The following MAPK8IP3 variants were observed in gnomAD, a reference collection of about 807,000 sequenced individuals.
MAPK8IP3 encodes the protein C-Jun-amino-terminal kinase-interacting protein 3.
In MAPK8IP3, 49 loss-of-function variants were observed where a neutral mutation model predicts 157.8. The observed-to-expected ratio is 0.31, with a 90% CI of 0.25 to 0.39. MAPK8IP3 has a LOEUF of 0.39. Among genes scored for constraint, MAPK8IP3 ranks in the 10% least tolerant of loss-of-function variants. The pLI, the probability that MAPK8IP3 is intolerant of heterozygous loss-of-function variation, is 1.00. For missense variants in MAPK8IP3, 1,478 were observed against 1,889.4 expected (o/e 0.78, Z 4.04); for synonymous variants, 897 against 777.7 (o/e 1.15, Z -2.55).
At chr16:1,720,391 T>C (rs998860371) in intron 1 of MAPK8IP3, among the ~76,000 whole-genome samples, 5 of 152,040 alleles carry the variant, frequency 3.3e-5, no homozygotes, top group Non-Finnish European at 7.4e-5. Flanking sequence ...AAAGAGATAA[T>C]GGATTGAGCA....
intron 2 of MAPK8IP3, among the ~76,000 whole-genome samples, chr16:1,725,256 G>A (rs1393596525): frequency 1.3e-5 from 2 of 151,398 alleles, no homozygotes; most frequent in Non-Finnish European, 2.9e-5. Flanking sequence ...TAGGCCAGGC[G>A]TGATGGCATG....
intron 25 of MAPK8IP3, 72 bp downstream of exon 25, chr16:1,767,043 G>T (rs903889468): frequency 6.4e-7 from 1 of 1,570,026 alleles, no homozygotes; most frequent in Non-Finnish European, 8.7e-7. Context: ...AGGGGCTCCC[G>T]GGGTTCCAGG....
chr16:1,740,069 AGC>A (rs2040556780), intron 4 of MAPK8IP3, among the ~76,000 whole-genome samples: 1 of 70,142 alleles, frequency 1.4e-5, no homozygotes. Context: ...TGTCCGTGTG[AGC>A]GTGAGCATCC....
intron 1 of MAPK8IP3, among the ~76,000 whole-genome samples, chr16:1,720,461 C>A (rs1490297628): frequency 1.3e-5 from 2 of 152,152 alleles, no homozygotes; most frequent in Non-Finnish European, 2.9e-5. Context: ...TGGAAGTGGT[C>A]GAGTACGCCT....
chr16:1,726,770 A>G (rs1360752738), intron 2 of MAPK8IP3, among the ~76,000 whole-genome samples: 2 of 152,200 alleles, frequency 1.3e-5, no homozygotes, highest in East Asian at 3.8e-4. Context: ...GGCTCCCTCC[A>G]GGTGGTGGCT....
At position 1,743,727 on chromosome 16, in the gene MAPK8IP3, C is replaced by T; in HGVS notation, c.747+251C>T. On this transcript the variant is annotated intron_variant, in intron 5 of 31. Transcript: ENST00000610761. The surrounding 1 kb of genome is among the most constrained non-coding windows in gnomAD (Gnocchi z 5.6). The stretch of plus-strand genomic sequence containing the variant: ...ACCTGCTAGTCCAGGCTAGACCTCC[C>T]TGCCCTTGGATAGACCGCTCTGTAG... 1 of 1,379,606 alleles carries T rather than the reference C, an allele frequency of 7.2e-7. No homozygotes were observed. 85.5% of individuals were successfully genotyped at this position (1,379,606 alleles called of 1,614,324 possible).
At chr16:1,712,534 G>T (rs868780520) in intron 1 of MAPK8IP3, among the ~76,000 whole-genome samples, 9 of 152,164 alleles carry the variant, frequency 5.9e-5, no homozygotes, top group Non-Finnish European at 1.2e-4. Flanking sequence ...CCAGGCAGGG[G>T]GATTAGCTGA....
Position 1,768,937 on chromosome 16 carries a change from C to G in MAPK8IP3, c.*113C>G, listed in dbSNP as rs1249661225. The stretch of plus-strand genomic sequence containing the variant: ...GCCGCCCCTCTTCTAACCTCTCAAC[C>G]TGCAGCTTTCACCTGAGTCTGGCCC... On this transcript the variant is annotated 3_prime_UTR_variant, in exon 32 of 32. Transcript: ENST00000610761. 1.6e-6 allele frequency: 2 copies of G among 1,269,418 alleles called. No individual in the cohort carries two copies. Among genetic ancestry groups the G allele is most frequent in the Admixed American group, 2.0e-5 (1 of 49,174 alleles). 78.6% of individuals were successfully genotyped at this position (1,269,418 alleles called of 1,614,324 possible).
At position 1,727,563 on chromosome 16, in the gene MAPK8IP3, T is replaced by C. The variant is rs750944745; in HGVS notation, c.440-1575T>C. Reference sequence around the variant, plus strand: ...TGTGAGGTGCTGTGTCTAAGTCGTGTGTGTGAGGTGCTGTGTCTAAGTCGT... The same window carrying C: ...TGTGAGGTGCTGTGTCTAAGTCGTGCGTGTGAGGTGCTGTGTCTAAGTCGT... On this transcript the variant is annotated intron_variant, in intron 2 of 31. Transcript: ENST00000610761. 1.5e-4 allele frequency among the ~76,000 whole-genome samples: 22 copies of C among 151,152 alleles called. No individual in the cohort carries two copies. In the East Asian group the frequency reaches 1.8e-3, roughly 12 times the overall value.
Position 1,767,595 on chromosome 16 carries a change from G to A in MAPK8IP3, c.3269G>A (p.Ser1090Asn). 6.2e-7 allele frequency: 1 copy of A among 1,612,370 alleles called. No homozygotes were observed. The highest frequency in any genetic ancestry group is 1.1e-5 in the South Asian group (1 of 91,058). The change falls in exon 27 of 32, where the codon AGC (serine) becomes AAC (asparagine). Residue 1090 changes from serine to asparagine, a missense_variant. By Grantham distance (46) the Ser-to-Asn change is conservative (BLOSUM62 1). Around this residue, in one of 11 missense-constraint regions of MAPK8IP3, gnomAD observed 68 missense variants for 125.1 expected, o/e 0.54. Transcript: ENST00000610761. ...TTTGACGCCCACCCGCGGCGGGAGA[G>A]CCAGGTGCGGCAGCTGGCGTGGATC... Reference protein sequence around the residue: ...KSFDAHPRRESQVRQLAWIGD... With the variant: ...KSFDAHPRRENQVRQLAWIGD...
rs1000701693 is a variant in MAPK8IP3 at position 1,724,415 on chromosome 16, T to A, written c.319-142T>A. 1 of 1,154,950 alleles carries A rather than the reference T, an allele frequency of 8.7e-7. No homozygotes were observed. Among genetic ancestry groups the A allele is most frequent in the African/African-American group, 1.5e-5 (1 of 64,774 alleles). The allele number at this position is 1,154,950 out of a possible 1,614,324, so 71.5% of individuals were successfully genotyped here. ...ACAGCCACGTGGCGGGAAGCCCCCA[T>A]TCCGGCCTGGCCATGGGCCAGCTTG... On this transcript the variant is annotated intron_variant, in intron 1 of 31. Coordinates refer to ENST00000610761, the MANE Select transcript of MAPK8IP3 (RefSeq NM_001318852.2). This position sits in a 1 kb window ranked among gnomAD's most constrained non-coding sequence, Gnocchi z 4.1.
Position 1,768,717 on chromosome 16 carries a change from G to T in MAPK8IP3, c.3907G>T (p.Asp1303Tyr), listed in dbSNP as rs1446672269. The change falls in exon 32 of 32, where the codon GAC becomes TAC. Residue 1303 changes from aspartate to tyrosine, a missense_variant. By Grantham distance (160) the Asp-to-Tyr change is radical. Around this residue, in one of 11 missense-constraint regions of MAPK8IP3, gnomAD observed 133 missense variants for 133.4 expected, o/e 1.00. Transcript: ENST00000610761. ...TTTGCCCGCAGGAGACGGAGAGGAC[G>T]ACGAGACGGAGGAGGGCGCAGGGGA... The part of the protein sequence containing the change: ...IDFRIGDGED[D>Y]ETEEGAGDMS... The T allele has an allele frequency of 2.5e-6, 4 of 1,612,486 alleles. No homozygotes were observed. The East Asian group carries it at 8.9e-5, about 36-fold the overall frequency.
In MAPK8IP3 at chr16:1,769,013, G is replaced by A; in HGVS notation, c.*189G>A. Reference sequence around the variant, plus strand: ...TGCGGATCAGCTGGGAGGAGGAGGGGAGGGGAACTTCCACCCGAGGGGAAG... The same window carrying A: ...TGCGGATCAGCTGGGAGGAGGAGGGAAGGGGAACTTCCACCCGAGGGGAAG... On this transcript the variant is annotated 3_prime_UTR_variant, in exon 32 of 32. Transcript: ENST00000610761. 4 of 665,992 alleles carry A rather than the reference G, an allele frequency of 6.0e-6. No homozygotes were observed. The highest frequency in any genetic ancestry group is 1.0e-5 in the Non-Finnish European group (4 of 396,798). The allele number at this position is 665,992 out of a possible 1,614,324, so 41.3% of individuals were successfully genotyped here.
intron 4 of MAPK8IP3, among the ~76,000 whole-genome samples, chr16:1,738,670 G>A (rs1265878306): frequency 2.0e-4 from 27 of 134,148 alleles, no homozygotes; most frequent in Non-Finnish European, 3.1e-4. Flanking sequence ...ATCCATGTGA[G>A]CATGTGTGAC....
At chr16:1,738,823 G>T (rs1428239582) in intron 4 of MAPK8IP3, among the ~76,000 whole-genome samples, 1 of 144,462 alleles carries the variant, frequency 6.9e-6, no homozygotes, top group Non-Finnish European at 1.5e-5. Flanking sequence ...GCATCTGTGT[G>T]ACCGTCCGTG....
intron 8 of MAPK8IP3, among the ~76,000 whole-genome samples, chr16:1,749,232 C>T (rs1450381214): frequency 6.6e-6 from 1 of 152,198 alleles, no homozygotes; most frequent in Non-Finnish European, 1.5e-5. Flanking sequence ...AGCGTACTCA[C>T]AGGTGGGGCA....
In MAPK8IP3 at chr16:1,742,174, C is replaced by T. The variant is rs1036473491; in HGVS notation, c.603-1158C>T. Among the ~76,000 whole-genome samples the T allele has an allele frequency of 8.5e-5, 13 of 152,310 alleles. No individual in the cohort carries two copies. Among genetic ancestry groups the T allele is most frequent in the Admixed American group, 2.0e-4 (3 of 15,298 alleles). ...TGACCACGTGGCCTGCCCCCCAGAC[C>T]TGAGGAGGTGAGGAGCCAGCCTGGC... is the stretch of plus-strand genomic sequence containing the variant. On this transcript the variant is annotated intron_variant, in intron 4 of 31. Transcript: ENST00000610761. The surrounding 1 kb of genome is among the most constrained non-coding windows in gnomAD (Gnocchi z 5.0).
intron 4 of MAPK8IP3, among the ~76,000 whole-genome samples, chr16:1,737,013 TGAGA>T (rs200598715): frequency 5.7e-5 from 4 of 70,612 alleles, no homozygotes; most frequent in African/African-American, 1.7e-4. Context: ...ACCGTCCGTG[TGAGA>T]GTGTGACCAT....
rs2037671379 is a variant in MAPK8IP3 at position 1,710,094 on chromosome 16, TCA to T, written c.318+3440_318+3441del. Among the ~76,000 whole-genome samples, 2 of 152,260 alleles carry T rather than the reference TCA, an allele frequency of 1.3e-5. No homozygotes were observed. Among genetic ancestry groups the T allele is most frequent in the Non-Finnish European group, 2.9e-5 (2 of 68,018 alleles). ...AGTTACCGGCCAGGCGCAGCGACTC[TCA>T]CATGTGTAATCCCAGCACTTTGGGA... On this transcript the variant is annotated intron_variant, in intron 1 of 31. Transcript: ENST00000610761. The surrounding 1 kb of genome is among the most constrained non-coding windows in gnomAD (Gnocchi z 4.1).
Sources: gnomAD v4.1 joint callset for allele counts (sites outside exome capture counted in the v4.1 genomes callset) on GRCh38, gnomAD v4.1.1 for gene constraint, gnomAD v4.1.1 regional missense constraint, Gnocchi (gnomAD v3.1) non-coding constraint, MANE v1.5 for transcripts, NCBI Gene and HGNC (gene_info 2026-07-23, HGNC 2026-07-21) for gene names.